The following PTPRT variants were observed in gnomAD, a reference collection of about 807,000 sequenced individuals.
The protein encoded by PTPRT is protein tyrosine phosphatase receptor type T.
Under a neutral mutation model 176.8 loss-of-function variants are expected in PTPRT, and 56 were observed. The ratio of observed to expected loss-of-function variants is 0.32; its 90% CI spans 0.26 to 0.40. The LOEUF is 0.40. Ranked by LOEUF, PTPRT falls within the 10% of genes least tolerant of loss-of-function variation. The pLI is 1.00. For missense variants in PTPRT, 1,540 were observed against 1,908.2 expected, an observed-to-expected ratio of 0.81 and a Z score of 3.60; for synonymous variants, 783 against 739.0, an observed-to-expected ratio of 1.06 and a Z score of -0.96.
intron 6 of PTPRT, among the ~76,000 whole-genome samples, chr20:42,699,751 G>T (rs1381375910): frequency 2.0e-5 from 3 of 152,072 alleles, no homozygotes; most frequent in Non-Finnish European, 4.4e-5. Flanking sequence ...AGGGATTATG[G>T]CCAATCATGC....
At position 42,508,127 on chromosome 20, in the gene PTPRT, T is replaced by TGTGTGTGTGTGTGTGTGTGTGTG. The variant is rs1555871976; in HGVS notation, c.1154-35566_1154-35565insCACACACACACACACACACACAC. Among the ~76,000 whole-genome samples, 345 of 146,680 alleles carry TGTGTGTGTGTGTGTGTGTGTGTG rather than the reference T, an allele frequency of 2.4e-3. 2 individuals are homozygous for TGTGTGTGTGTGTGTGTGTGTGTG. The highest frequency in any genetic ancestry group is 8.5e-3 in the African/African-American group (327 of 38,590). ...TTAATAAAATCAGTAATTACCCTTTTTGTGTGTGTGTGTGTGTGTGTGTAT... is the reference window on the plus strand; with the variant it reads ...TTAATAAAATCAGTAATTACCCTTTTGTGTGTGTGTGTGTGTGTGTGTGTGTGTGTGTGTGTGTGTGTGTGTAT... On this transcript the variant is annotated intron_variant, in intron 7 of 30. Transcript: ENST00000373187.
At position 42,302,784 on chromosome 20, in the gene PTPRT, G is replaced by C. The variant is rs114609735; in HGVS notation, c.2139+12939C>G. ...TCATCATCATTCATATCTCCTTACA[G>C]AGGAGCTCATGACCAATGAAGGCAC... On this transcript the variant is annotated intron_variant, in intron 12 of 30. Coordinates refer to ENST00000373187, the MANE Select transcript of PTPRT (RefSeq NM_007050.6). 2.4e-3 allele frequency among the ~76,000 whole-genome samples: 362 copies of C among 152,304 alleles called. 2 individuals carry two copies. Among genetic ancestry groups the C allele is most frequent in the African/African-American group, 8.2e-3 (342 of 41,576 alleles).
At chr20:42,328,101 T>C (rs1408450906) in intron 11 of PTPRT, among the ~76,000 whole-genome samples, 1 of 152,142 alleles carries the variant, frequency 6.6e-6, no homozygotes, top group Non-Finnish European at 1.5e-5. Context: ...TGATGCCTTA[T>C]AAGTAATTCT....
chr20:42,725,107 A>G (rs1452052916), intron 6 of PTPRT, among the ~76,000 whole-genome samples: 1 of 150,884 alleles, frequency 6.6e-6, no homozygotes, highest in Non-Finnish European at 1.5e-5. Flanking sequence ...GGCTCACTGT[A>G]GCCTCCACCT....
intron 2 of PTPRT, among the ~76,000 whole-genome samples, chr20:42,833,813 C>T (rs555722912): frequency 1.1e-4 from 16 of 152,180 alleles, no homozygotes; most frequent in Admixed American, 3.9e-4. Flanking sequence ...GACATTCACA[C>T]GGAGCGGGGG....
At chr20:42,355,482 T>A (rs575279361) in intron 9 of PTPRT, among the ~76,000 whole-genome samples, 1 of 152,160 alleles carries the variant, frequency 6.6e-6, no homozygotes, top group Non-Finnish European at 1.5e-5. Flanking sequence ...CGAAGGACAA[T>A]CCTGAGTCAG....
chr20:42,037,876 C>T, the PTPRT span, among the ~76,000 whole-genome samples: 1 of 152,254 alleles, frequency 6.6e-6, no homozygotes, highest in African/African-American at 2.4e-5. Flanking sequence ...CTGCTGTGCA[C>T]CAGGCCTGAT....
rs140850921 is a variant in PTPRT at position 42,886,751 on chromosome 20, T to C, written c.89-819A>G. ...AGCTGTAAGTCCCATCAAGGTGACA[T>C]TGAGAGAGATGTGGGGTGTACAATG... On this transcript the variant is annotated intron_variant, in intron 1 of 30. Transcript: ENST00000373187. Among the ~76,000 whole-genome samples the C allele has an allele frequency of 8.8e-4, 134 of 152,296 alleles. 4 individuals are homozygous for C. The East Asian group carries it at 0.02, about 22-fold the overall frequency.
chr20:42,534,147 G>A (rs763930189), intron 7 of PTPRT, among the ~76,000 whole-genome samples: 3 of 152,208 alleles, frequency 2.0e-5, no homozygotes, highest in Non-Finnish European at 4.4e-5. Context: ...CAGTGAGGGT[G>A]AGGGAAAGAA....
chr20:43,083,352 AT>A (rs1938778925), intron 1 of PTPRT, among the ~76,000 whole-genome samples: 4 of 128,628 alleles, frequency 3.1e-5, no homozygotes, highest in East Asian at 2.1e-4. Flanking sequence ...ATATATATAT[AT>A]ATATATATAT....
At chr20:43,164,107 T>C (rs1167782417) in intron 1 of PTPRT, among the ~76,000 whole-genome samples, 1 of 152,216 alleles carries the variant, frequency 6.6e-6, no homozygotes, top group African/African-American at 2.4e-5. Context: ...TAAATTAAGT[T>C]ACAAATGATA....
intron 6 of PTPRT, among the ~76,000 whole-genome samples, chr20:42,714,944 G>A (rs563713228): frequency 2.0e-5 from 3 of 152,296 alleles, no homozygotes; most frequent in Admixed American, 6.5e-5. Flanking sequence ...TTGATGCAGG[G>A]CTGAGAGCTG....
chr20:42,797,967 A>G (rs2077476320), intron 2 of PTPRT, among the ~76,000 whole-genome samples: 1 of 152,196 alleles, frequency 6.6e-6, no homozygotes, highest in African/African-American at 2.4e-5. Context: ...CCCCAGTGTG[A>G]CCCACTTAGG....
At position 42,915,877 on chromosome 20, in the gene PTPRT, A is replaced by G. The variant is rs959159998; in HGVS notation, c.89-29945T>C. On this transcript the variant is annotated intron_variant, in intron 1 of 30. Coordinates refer to ENST00000373187, the MANE Select transcript of PTPRT (RefSeq NM_007050.6). ...GTCTCCCCGAGAGTTCTGGGATTAC[A>G]GGCGTGAGTCACCATGCCCGGCCCG... Among the ~76,000 whole-genome samples, 51 of 151,774 alleles carry G rather than the reference A, an allele frequency of 3.4e-4. 1 individual carries two copies. The highest frequency in any genetic ancestry group is 1.2e-3 in the African/African-American group (49 of 41,286).
the PTPRT span, among the ~76,000 whole-genome samples, chr20:42,049,989 C>G: frequency 6.6e-6 from 1 of 152,252 alleles, no homozygotes; most frequent in African/African-American, 2.4e-5. Flanking sequence ...CATGGAATGG[C>G]TCTGAGCATA....
At chr20:43,050,366 G>T (rs1271072297) in intron 1 of PTPRT, among the ~76,000 whole-genome samples, 1 of 152,202 alleles carries the variant, frequency 6.6e-6, no homozygotes, top group African/African-American at 2.4e-5. Context: ...CAGGGAGAGG[G>T]CACTGCAAGG....
chr20:42,083,804 A>G (rs185451085), intron 29 of PTPRT, among the ~76,000 whole-genome samples: 1 of 152,352 alleles, frequency 6.6e-6, no homozygotes. Flanking sequence ...AAATCGTTGA[A>G]GTTCTAAGAA....
chr20:42,391,567 G>A (rs767206727), intron 9 of PTPRT, among the ~76,000 whole-genome samples: 16 of 152,112 alleles, frequency 1.1e-4, no homozygotes, highest in African/African-American at 3.1e-4. Flanking sequence ...AAAGACCAGC[G>A]ATTCTTCTTG....
At chr20:42,263,678 C>CT (rs574955968) in intron 13 of PTPRT, among the ~76,000 whole-genome samples, 6,940 of 138,388 alleles carry the variant, frequency 0.05, 436 homozygotes, top group African/African-American at 0.16. Flanking sequence ...TGCGCCGGGC[C>CT]TTTTTTTTTT....
Sources: gnomAD v4.1 joint callset for allele counts (sites outside exome capture counted in the v4.1 genomes callset) on GRCh38, gnomAD v4.1.1 for gene constraint, MANE v1.5 for transcripts, NCBI Gene and HGNC (gene_info 2026-07-23, HGNC 2026-07-21) for gene names.